Variants in DIAPH2 observed in about 807,000 individuals in gnomAD.
The protein encoded by DIAPH2 is protein diaphanous homolog 2.
DIAPH2 carries 35 observed loss-of-function variants against 92.7 expected under a neutral mutation model. The ratio of observed to expected loss-of-function variants is 0.38; its 90% confidence interval spans 0.29 to 0.50. The LOEUF is 0.50. DIAPH2 is among the 20% of genes least tolerant of loss of function. The pLI is 0.94. For missense variants in DIAPH2, 701 were observed against 819.5 expected, an observed-to-expected ratio of 0.86 and a Z score of 1.77; for synonymous variants, 301 against 280.4, an observed-to-expected ratio of 1.07 and a Z score of -0.73.
chrX:97,235,810 A>G (rs1182063589), intron 22 of DIAPH2, among the ~76,000 whole-genome samples: 1 of 110,407 alleles, frequency 9.1e-6, no homozygotes, highest in Non-Finnish European at 1.9e-5. Flanking sequence ...TAATAAATTT[A>G]TGACATGATA....
At chrX:97,247,615 C>T in intron 22 of DIAPH2, 100 bp from the exon 23 acceptor site, 3 of 782,517 alleles carry the variant, frequency 3.8e-6, no homozygotes, top group Non-Finnish European at 5.4e-6. Context: ...AACTATTTCC[C>T]ACATTTAAAA....
chrX:97,297,362 A>G (rs150154874), intron 23 of DIAPH2, among the ~76,000 whole-genome samples: 243 of 109,536 alleles, frequency 2.2e-3, no homozygotes, highest in African/African-American at 7.3e-3. Flanking sequence ...CAATATAACA[A>G]TAGCAGTAGA....
intron 16 of DIAPH2, among the ~76,000 whole-genome samples, chrX:96,961,571 T>G (rs2065849026): frequency 9.1e-6 from 1 of 109,546 alleles, no homozygotes; most frequent in Non-Finnish European, 1.9e-5. Flanking sequence ...TCTACTGATT[T>G]GGGGTTTGGT....
intron 9 of DIAPH2, among the ~76,000 whole-genome samples, chrX:96,922,305 C>T (rs762234289): frequency 9.0e-6 from 1 of 111,349 alleles, no homozygotes; most frequent in African/African-American, 3.3e-5. Flanking sequence ...GTCTTCTCTT[C>T]TTCCTGTGTT....
chrX:97,356,700 T>A (rs1005298817), intron 24 of DIAPH2, among the ~76,000 whole-genome samples: 1 of 111,003 alleles, frequency 9.0e-6, no homozygotes, highest in Non-Finnish European at 1.9e-5. Context: ...GATTTTTCCT[T>A]GTATAGAAAA....
chrX:97,377,932 C>G (rs754383054), intron 24 of DIAPH2, among the ~76,000 whole-genome samples: 2 of 106,381 alleles, frequency 1.9e-5, no homozygotes, highest in Non-Finnish European at 3.9e-5. Context: ...TTAAAAGAGG[C>G]GACTGAAAGA....
At chrX:97,328,508 C>T (rs2068970659) in intron 23 of DIAPH2, among the ~76,000 whole-genome samples, 1 of 111,584 alleles carries the variant, frequency 9.0e-6, no homozygotes, top group Non-Finnish European at 1.9e-5. Flanking sequence ...TCATTGCTTT[C>T]TCTGGACCTA....
At chrX:96,833,101 T>C (rs754083067) in intron 4 of DIAPH2, among the ~76,000 whole-genome samples, 136 of 111,414 alleles carry the variant, frequency 1.2e-3, no homozygotes, top group African/African-American at 4.3e-3. Flanking sequence ...TTTTTACTTT[T>C]TTTAAAATTC....
chrX:97,011,400 A>G (rs942434544), intron 17 of DIAPH2, among the ~76,000 whole-genome samples: 12 of 112,033 alleles, frequency 1.1e-4, no homozygotes, highest in African/African-American at 3.9e-4. Flanking sequence ...AATGAATAAA[A>G]TGAGATTCCT....
intron 26 of DIAPH2, among the ~76,000 whole-genome samples, chrX:97,532,301 A>G (rs917478547): frequency 8.8e-6 from 1 of 113,222 alleles, no homozygotes; most frequent in Non-Finnish European, 1.9e-5. Flanking sequence ...TTTTACAACT[A>G]TAATATTTCT....
chrX:97,007,761 CTTTTTTTT>C (rs1202951643), intron 17 of DIAPH2, among the ~76,000 whole-genome samples: 7 of 80,969 alleles, frequency 8.6e-5, no homozygotes, highest in East Asian at 7.3e-4. Flanking sequence ...TTCTTTTTTT[CTTTTTTTT>C]TTTTTTTTTT....
At chrX:97,504,074 T>C (rs2070816883) in intron 26 of DIAPH2, among the ~76,000 whole-genome samples, 1 of 112,231 alleles carries the variant, frequency 8.9e-6, no homozygotes, top group Admixed American at 9.5e-5. Context: ...TTTTGAGCTA[T>C]TGAAAAATAT....
rs1363498197 is a variant in DIAPH2, at chrX:96,840,920, A to G, written c.448-40659A>G. Among the ~76,000 whole-genome samples the G allele has an allele frequency of 2.7e-5, 3 of 111,823 alleles. No individual in the cohort carries two copies. In the Admixed American group the frequency reaches 2.8e-4, roughly 11 times the overall value. ...GAGCCACCGTGCCCGGCCCATTTTG[A>G]GATGTTAATCAGTTTCCCTTCTCTT... On this transcript the variant is annotated intron_variant, in intron 4 of 26. Transcript: ENST00000324765.
chrX:97,596,105 G>A lies in DIAPH2; in HGVS notation c.3242-3148G>A, dbSNP rs1160262276. ...TAGCCGGCTCTGGTAGATTTGGAAG[G>A]TCCATTTTGGGATTGATTTCTCAGG... On this transcript the variant is annotated intron_variant, in intron 26 of 26. Coordinates refer to ENST00000324765, the MANE Select transcript of DIAPH2 (RefSeq NM_006729.5). Among the ~76,000 whole-genome samples, 4 of 111,962 alleles carry A rather than the reference G, an allele frequency of 3.6e-5. 1 individual carries two copies. The highest frequency in any genetic ancestry group is 4.6e-3 in the Middle Eastern group (1 of 216).
At chrX:97,160,705 G>C (rs1373446196) in intron 22 of DIAPH2, among the ~76,000 whole-genome samples, 1 of 111,591 alleles carries the variant, frequency 9.0e-6, no homozygotes, top group Non-Finnish European at 1.9e-5. Flanking sequence ...AGTTTGCTCA[G>C]GATCTTGGTC....
intron 23 of DIAPH2, among the ~76,000 whole-genome samples, chrX:97,314,469 G>C (rs2068824693): frequency 9.0e-6 from 1 of 111,123 alleles, no homozygotes; most frequent in Admixed American, 9.7e-5. Flanking sequence ...AAATAATATT[G>C]TGGAAAATCT....
chrX:97,317,137 A>C (rs1327796714), intron 23 of DIAPH2, among the ~76,000 whole-genome samples: 1 of 112,391 alleles, frequency 8.9e-6, no homozygotes, highest in Non-Finnish European at 1.9e-5. Flanking sequence ...TCTGTAAAGA[A>C]ATAAACTAAA....
intron 25 of DIAPH2, among the ~76,000 whole-genome samples, chrX:97,396,503 C>A (rs996836056): frequency 9.0e-6 from 1 of 110,507 alleles, no homozygotes; most frequent in Non-Finnish European, 1.9e-5. Context: ...GAAACCCCGT[C>A]TCTACTAAAA....
At chrX:97,418,627 G>T (rs1266565109) in intron 25 of DIAPH2, among the ~76,000 whole-genome samples, 2 of 111,790 alleles carry the variant, frequency 1.8e-5, no homozygotes, top group African/African-American at 6.5e-5. Context: ...TATGAAGATG[G>T]TTAGCTATAT....
Sources: allele counts gnomAD v4.1 joint callset (sites outside exome capture counted in the v4.1 genomes callset), GRCh38; gene constraint gnomAD v4.1.1; transcripts MANE v1.5; gene names NCBI Gene and HGNC (gene_info 2026-07-23, HGNC 2026-07-21).